ZNF705A: variants seen among roughly 807,000 people sequenced by gnomAD.
ZNF705A encodes zinc finger protein 705A.
A neutral mutation model predicts 16.6 loss-of-function variants in ZNF705A; 8 were observed. The ratio of observed to expected loss-of-function variants is 0.48; its 90% CI spans 0.28 to 0.87. The LOEUF is 0.87. ZNF705A is among the 40% of genes least tolerant of loss of function. ZNF705A has a pLI of 0.10. For synonymous variants in ZNF705A, 73 were observed against 117.3 expected, an observed-to-expected ratio of 0.62 and a Z score of 2.44; for missense variants, 233 against 359.9, an observed-to-expected ratio of 0.65 and a Z score of 2.85.
exon 5 of ZNF705A, chr12:8,178,881 C>G (rs1415296159): frequency 6.6e-6 from 1 of 152,234 alleles, no homozygotes; most frequent in Non-Finnish European, 1.5e-5. Flanking sequence ...CTGAGTCTCC[C>G]CAGTCTTTAA....
chr12:8,166,569 C>G (rs865900885), intron 1 of ZNF705A, among the ~76,000 whole-genome samples: 50 of 152,232 alleles, frequency 3.3e-4, no homozygotes, highest in African/African-American at 1.0e-3. Context: ...CTGCCTCCCC[C>G]CAACCATGTG....
At chr12:8,165,554 G>A (rs1240924145) in intron 1 of ZNF705A, among the ~76,000 whole-genome samples, 2 of 150,720 alleles carry the variant, frequency 1.3e-5, no homozygotes, top group Non-Finnish European at 2.9e-5. Flanking sequence ...TTAGATTTAG[G>A]AGATGCATGT....
chr12:8,159,704 T>G (rs149366396), intron 1 of ZNF705A, among the ~76,000 whole-genome samples: 1 of 152,280 alleles, frequency 6.6e-6, no homozygotes, highest in African/African-American at 2.4e-5. Flanking sequence ...TTTGTTTGAG[T>G]TCGTTGTAGA....
At chr12:8,176,694 G>A (rs1312660887) in intron 4 of ZNF705A, among the ~76,000 whole-genome samples, 2 of 152,152 alleles carry the variant, frequency 1.3e-5, no homozygotes, top group African/African-American at 2.4e-5. Flanking sequence ...AATTTTAACA[G>A]CTCATGAGGA....
At chr12:8,167,611 C>A (rs1365075362), upstream of ZNF705A, among the ~76,000 whole-genome samples, 1 of 152,168 alleles carries the variant, frequency 6.6e-6, no homozygotes, top group Non-Finnish European at 1.5e-5. Context: ...AAGTTCACTG[C>A]ATCCTCCCAC....
rs1354031192 is a variant in ZNF705A at position 8,157,093 on chromosome 12, G to T, written c.-72+1G>T. On this transcript the variant is annotated splice_donor_variant, in intron 1 of 5. Transcript: ENST00000396570. LOFTEE classifies it low-confidence loss of function (5UTR_SPLICE). ...CTTTGAAATGCAATTCCGCTTAAAG[G>T]TATAACTTTGCCATGAGTAATCAGA... 2.3e-5 allele frequency: 9 copies of T among 397,708 alleles called. No homozygotes were observed. Among genetic ancestry groups the T allele is most frequent in the Non-Finnish European group, 4.0e-5 (9 of 225,530 alleles). 24.6% of individuals were successfully genotyped at this position (397,708 alleles called of 1,614,324 possible).
chr12:8,161,497 G>A (rs1348605374), intron 1 of ZNF705A, among the ~76,000 whole-genome samples: 1 of 115,626 alleles, frequency 8.6e-6, no homozygotes, highest in Non-Finnish European at 1.8e-5. Context: ...GTCTTTCAGG[G>A]TATCTAATTC....
intron 1 of ZNF705A, 134 bp from the exon 3 acceptor site, chr12:8,174,192 G>A: frequency 6.4e-7 from 1 of 1,555,238 alleles, no homozygotes; most frequent in Admixed American, 1.7e-5. Flanking sequence ...GCTTAGTACT[G>A]AGAATGAACT....
At chr12:8,175,554 G>A (rs1045593225) in intron 3 of ZNF705A, among the ~76,000 whole-genome samples, 3 of 152,086 alleles carry the variant, frequency 2.0e-5, no homozygotes, top group African/African-American at 7.2e-5. Flanking sequence ...GATAATTCAT[G>A]TACTTGGCTG....
intron 1 of ZNF705A, among the ~76,000 whole-genome samples, chr12:8,173,287 C>A (rs769750615): frequency 1.1e-4 from 17 of 152,250 alleles, no homozygotes; most frequent in Middle Eastern, 3.4e-3. Flanking sequence ...TGGTAATTAA[C>A]CTTTTTGCCT....
chr12:8,169,918 G>A (rs1948430914), upstream of ZNF705A, among the ~76,000 whole-genome samples: 1 of 152,138 alleles, frequency 6.6e-6, no homozygotes, highest in Non-Finnish European at 1.5e-5. Context: ...GGCCGGGCAC[G>A]GTGGCTCACG....
At chr12:8,168,260 T>C (rs1188236940), upstream of ZNF705A, among the ~76,000 whole-genome samples, 1 of 152,168 alleles carries the variant, frequency 6.6e-6, no homozygotes. Flanking sequence ...TGCCTAATTA[T>C]CATTTTTAGA....
chr12:8,169,762 A>G (rs1948429482), upstream of ZNF705A, among the ~76,000 whole-genome samples: 1 of 152,230 alleles, frequency 6.6e-6, no homozygotes. Flanking sequence ...TGCATTCCTA[A>G]TACTTCACTA....
At chr12:8,165,277 C>CTTTT (rs1565413981) in intron 1 of ZNF705A, among the ~76,000 whole-genome samples, 4 of 124,682 alleles carry the variant, frequency 3.2e-5, no homozygotes, top group African/African-American at 1.3e-4. Context: ...GATCTTTGCC[C>CTTTT]ATTTTTTTTT....
chr12:8,175,866 A>G (rs1948480113), exon 4 of ZNF705A: 1 of 1,611,488 alleles, frequency 6.2e-7, no homozygotes. Flanking sequence ...TCAGACAGGG[A>G]AAGTGCCCTT....
rs1353768215 is a variant in ZNF705A at position 8,179,287 on chromosome 12, C to T, written c.*1704C>T. 8 of 152,288 alleles carry T rather than the reference C, an allele frequency of 5.3e-5. No individual in the cohort carries two copies. The East Asian group carries it at 1.4e-3, about 26-fold the overall frequency. 9.4% of individuals were successfully genotyped at this position (152,288 alleles called of 1,614,324 possible). On this transcript the variant is annotated 3_prime_UTR_variant, in exon 5 of 5. Transcript: ENST00000359286. ...GACAGACACAGCTGTGCTCCTTTTACTGCAGTCCAGAAGATAAAACACCAG... is the reference window on the plus strand; with the variant it reads ...GACAGACACAGCTGTGCTCCTTTTATTGCAGTCCAGAAGATAAAACACCAG...
At chr12:8,173,413 C>A (rs4242879) in intron 1 of ZNF705A, among the ~76,000 whole-genome samples, 2 of 151,792 alleles carry the variant, frequency 1.3e-5, no homozygotes, top group African/African-American at 4.8e-5. Flanking sequence ...ATGCTTTATA[C>A]GGGCTGGTTA....
rs1278160553 is a variant in ZNF705A at position 8,165,608 on chromosome 12, A to G, written c.-71-6947A>G. On this transcript the variant is annotated intron_variant, in intron 1 of 5. Transcript: ENST00000396570. ...ACATTGTGTGATGCTGAGGAGTATGAATGATCTTGTAACCCAGATAGAAAA... is the reference window on the plus strand; with the variant it reads ...ACATTGTGTGATGCTGAGGAGTATGGATGATCTTGTAACCCAGATAGAAAA... Among the ~76,000 whole-genome samples, 18 of 152,110 alleles carry G rather than the reference A, an allele frequency of 1.2e-4. No individual in the cohort carries two copies. In the South Asian group the frequency reaches 2.5e-3, roughly 21 times the overall value.
In ZNF705A at chr12:8,161,953, C is replaced by T. The variant is rs754164675; in HGVS notation, c.-72+4861C>T. Among the ~76,000 whole-genome samples the T allele has an allele frequency of 7.2e-5, 11 of 152,218 alleles. No individual in the cohort carries two copies. In the East Asian group the frequency reaches 1.5e-3, roughly 21 times the overall value. ...CCATTGTGAGCACACCTCACCAGGT[C>T]GGAACTATCCTAAGTCAGAAGGCAG... On this transcript the variant is annotated intron_variant, in intron 1 of 5. Coordinates refer to the ZNF705A transcript ENST00000396570.
Sources: allele counts gnomAD v4.1 joint callset (sites outside exome capture counted in the v4.1 genomes callset), GRCh38; gene constraint gnomAD v4.1.1; transcripts MANE v1.5; gene names NCBI Gene and HGNC (gene_info 2026-07-23, HGNC 2026-07-21).